The following MEGF11 variants were observed in gnomAD, a reference collection of about 807,000 sequenced individuals.
MEGF11 encodes multiple epidermal growth factor-like domains protein 11.
In MEGF11, 126 loss-of-function variants were observed where a neutral mutation model predicts 146.6. The ratio of observed to expected loss-of-function variants is 0.86; its 90% CI spans 0.74 to 1.00. The LOEUF (loss-of-function observed/expected upper bound fraction) is 1.00. Ranked by LOEUF, MEGF11 falls within the 50% of genes least tolerant of loss-of-function variation. MEGF11 has a pLI of 0.00. For synonymous variants in MEGF11, 532 were observed against 583.4 expected (o/e 0.91, Z 1.27); for missense variants, 1,509 against 1,521.2 (o/e 0.99, Z 0.13).
chr15:65,939,353 C>T (rs1392728858), intron 10 of MEGF11, among the ~76,000 whole-genome samples: 1 of 152,112 alleles, frequency 6.6e-6, no homozygotes, highest in East Asian at 1.9e-4. Flanking sequence ...AAAGCACTAG[C>T]CCAAGGTGAC....
Position 65,913,688 on chromosome 15 carries a change from A to ATG in MEGF11, c.2710+47_2710+48dup. ...CTACAGGCACAACCATTCCTGGGGT[A>ATG]TGTGTGTGTGGAGGGGAAGAGGAGG... On this transcript the variant is annotated intron_variant, in intron 20 of 25. Coordinates refer to ENST00000395614, the MANE Select transcript of MEGF11 (RefSeq NM_001385028.1). 4 of 1,461,150 alleles carry ATG rather than the reference A, an allele frequency of 2.7e-6. 1 individual carries two copies. The highest frequency in any genetic ancestry group is 2.4e-5 in the South Asian group (2 of 83,608). 90.5% of individuals were successfully genotyped at this position (1,461,150 alleles called of 1,614,324 possible). A position where few individuals can be genotyped will look rare whatever the true frequency, so the allele number is the denominator to read the frequency against.
chr15:66,070,975 A>G lies in MEGF11; in HGVS notation c.394+23427T>C, dbSNP rs551931376. Reference sequence around the variant, plus strand: ...TATGTATTAATCTCCCCACCCCTCAAGAACTAGAAGATGGCTCTGATTCAT... The same window carrying G: ...TATGTATTAATCTCCCCACCCCTCAGGAACTAGAAGATGGCTCTGATTCAT... On this transcript the variant is annotated intron_variant, in intron 5 of 25. Coordinates refer to ENST00000395614, the MANE Select transcript of MEGF11 (RefSeq NM_001385028.1). Among the ~76,000 whole-genome samples, 299 of 152,308 alleles carry G rather than the reference A, an allele frequency of 2.0e-3. 1 individual carries two copies. The highest frequency in any genetic ancestry group is 7.0e-3 in the African/African-American group (293 of 41,566).
At chr15:66,252,865 G>A (rs1287508661) in intron 1 of MEGF11, among the ~76,000 whole-genome samples, 2 of 152,180 alleles carry the variant, frequency 1.3e-5, no homozygotes, top group Non-Finnish European at 2.9e-5. Context: ...CACGCTCCAG[G>A]CGCGCGCAGA....
In MEGF11 at chr15:65,922,352, G is replaced by A. The variant is rs1316758343; in HGVS notation, c.1943C>T (p.Ala648Val). The A allele has an allele frequency of 1.2e-6, 2 of 1,607,288 alleles. No individual in the cohort carries two copies. Among genetic ancestry groups the A allele is most frequent in the South Asian group, 2.2e-5 (2 of 89,048 alleles). Residue 648 changes from alanine (A) to valine (V), a missense_variant, in exon 15 of 26, where the codon GCT (alanine) becomes GTT (valine). Transcript: ENST00000395614. ...ICECLPGFSG[A>V]LCNQVCAGGY... is the part of the protein sequence containing the mutation. ...GGAGACAGTACCTTGGTTGCAGAGA[G>A]CTCCAGAGAATCCTGGGAGGCACTC...
intron 1 of MEGF11, among the ~76,000 whole-genome samples, chr15:66,133,465 A>G (rs1204199288): frequency 3.3e-5 from 5 of 152,258 alleles, no homozygotes; most frequent in Admixed American, 2.0e-4. Flanking sequence ...ATTATAGAAG[A>G]TACACACACA....
chr15:66,088,986 T>C (rs2086220088), intron 5 of MEGF11, among the ~76,000 whole-genome samples: 3 of 152,196 alleles, frequency 2.0e-5, no homozygotes, highest in Non-Finnish European at 4.4e-5. Context: ...TTAAAATGAG[T>C]AATTTTATGT....
At chr15:66,173,032 T>C (rs1039971357) in intron 1 of MEGF11, among the ~76,000 whole-genome samples, 1 of 152,218 alleles carries the variant, frequency 6.6e-6, no homozygotes, top group African/African-American at 2.4e-5. Flanking sequence ...AACCTGTGCC[T>C]GCCCAGAGAC....
chr15:65,982,141 C>T lies in MEGF11; in HGVS notation c.641+101G>A. 4 of 1,344,152 alleles carry T rather than the reference C, an allele frequency of 3.0e-6. No homozygotes were observed. Among genetic ancestry groups the T allele is most frequent in the South Asian group, 2.9e-5 (2 of 68,196 alleles). The allele number at this position is 1,344,152 out of a possible 1,614,324, so 83.3% of individuals were successfully genotyped here. A position where few individuals can be genotyped will look rare whatever the true frequency, so the allele number is the denominator to read the frequency against. On this transcript the variant is annotated intron_variant, in intron 6 of 25. Coordinates refer to ENST00000395614, the MANE Select transcript of MEGF11 (RefSeq NM_001385028.1). This position sits in a 1 kb window ranked among gnomAD's most constrained non-coding sequence, Gnocchi z 5.6. ...TGCGGTGAGGGCAGCCACTCCAGGC[C>T]CCGCCCCAGCCCCTCCACCTCCTCT...
intron 5 of MEGF11, among the ~76,000 whole-genome samples, chr15:66,085,205 C>T (rs1487654681): frequency 6.6e-6 from 1 of 152,128 alleles, no homozygotes; most frequent in East Asian, 1.9e-4. Flanking sequence ...TCAGACATGC[C>T]TATGCCCACC....
rs1368155569 is a variant in MEGF11 at position 65,915,394 on chromosome 15, G to C, written c.2473+76C>G. The C allele has an allele frequency of 2.6e-6, 4 of 1,543,318 alleles. No homozygotes were observed. In the East Asian group the frequency reaches 9.1e-5, roughly 35 times the overall value. ...AAGGGAAGTATCATCAAATCCAGCT[G>C]TTCGAGTTGGAATCTCCCTAGAGCT... On this transcript the variant is annotated intron_variant, in intron 19 of 25. Transcript: ENST00000395614.
chr15:66,170,528 G>T (rs12594712), intron 1 of MEGF11, among the ~76,000 whole-genome samples: 21,087 of 152,220 alleles, frequency 0.14, 1,981 homozygotes, highest in East Asian at 0.5. Flanking sequence ...GGCATGCCAT[G>T]TGACCTCTCT....
chr15:66,008,566 A>G (rs1443621780), intron 5 of MEGF11, among the ~76,000 whole-genome samples: 1 of 152,116 alleles, frequency 6.6e-6, no homozygotes, highest in Non-Finnish European at 1.5e-5. Context: ...GTTCATGCCT[A>G]TAATCCCAGT....
At chr15:65,976,243 G>C (rs1167693751) in intron 7 of MEGF11, among the ~76,000 whole-genome samples, 1 of 152,032 alleles carries the variant, frequency 6.6e-6, no homozygotes, top group Non-Finnish European at 1.5e-5. Context: ...GTTTCATCAT[G>C]TTGGCCAGGC....
chr15:65,949,787 G>A (rs1242775085), intron 10 of MEGF11, among the ~76,000 whole-genome samples: 1 of 152,226 alleles, frequency 6.6e-6, no homozygotes, highest in East Asian at 1.9e-4. Context: ...AGGCACCAAG[G>A]TGGCAGTAAT....
chr15:66,226,702 C>T, intron 1 of MEGF11, among the ~76,000 whole-genome samples: 1 of 152,094 alleles, frequency 6.6e-6, no homozygotes, highest in African/African-American at 2.4e-5. Context: ...CAGGAAAAAA[C>T]ATAGTCTATA....
At chr15:66,058,335 G>A (rs2084763850) in intron 5 of MEGF11, among the ~76,000 whole-genome samples, 1 of 152,156 alleles carries the variant, frequency 6.6e-6, no homozygotes, top group Non-Finnish European at 1.5e-5. Flanking sequence ...TTTCCATCAA[G>A]CCTGGAAGTT....
intron 10 of MEGF11, among the ~76,000 whole-genome samples, chr15:65,957,293 A>T: frequency 6.6e-6 from 1 of 152,262 alleles, no homozygotes; most frequent in East Asian, 1.9e-4. Flanking sequence ...ATGGACAGGC[A>T]GGAGCTGGGC....
intron 10 of MEGF11, among the ~76,000 whole-genome samples, chr15:65,937,153 G>A (rs2079818591): frequency 1.3e-5 from 2 of 152,188 alleles, no homozygotes; most frequent in Admixed American, 6.5e-5. Flanking sequence ...CTGCTCCCAG[G>A]GAACTGGCTG....
At chr15:66,032,404 C>T (rs935729809) in intron 5 of MEGF11, among the ~76,000 whole-genome samples, 7 of 152,206 alleles carry the variant, frequency 4.6e-5, no homozygotes, top group African/African-American at 1.7e-4. Flanking sequence ...GAAGCAGGAA[C>T]AGTTCTGAAG....
Sources: allele counts gnomAD v4.1 joint callset (sites outside exome capture counted in the v4.1 genomes callset), GRCh38; gene constraint gnomAD v4.1.1; non-coding constraint Gnocchi (gnomAD v3.1); transcripts MANE v1.5; gene names NCBI Gene and HGNC (gene_info 2026-07-23, HGNC 2026-07-21).